Variants in NCAPG2 observed in about 807,000 individuals in gnomAD.
The protein encoded by NCAPG2 is non-SMC condensin II complex subunit G2, also known as condensin-2 complex subunit G2.
NCAPG2 carries 53 observed loss-of-function variants against 141.1 expected under a neutral mutation model. The ratio of observed to expected loss-of-function variants is 0.38; its 90% CI spans 0.30 to 0.47. NCAPG2 has a LOEUF of 0.47. Among genes scored for constraint, NCAPG2 ranks in the 20% least tolerant of loss-of-function variants. The pLI, the probability that NCAPG2 is intolerant of heterozygous loss-of-function variation, is 0.99. For missense variants in NCAPG2, 1,087 were observed against 1,389.0 expected (o/e 0.78, Z 3.46); for synonymous variants, 499 against 490.7 (o/e 1.02, Z -0.22).
rs201241436 is a variant in NCAPG2 at position 158,654,590 on chromosome 7, T to G, written c.2746+5A>C. Reference sequence around the variant, plus strand: ...TTTATTGCTCTAAAACAGCCCTGACTGTACCTGTTTGCATGATTCCAAGAC... The same window carrying G: ...TTTATTGCTCTAAAACAGCCCTGACGGTACCTGTTTGCATGATTCCAAGAC... On this transcript the variant is annotated splice_donor_5th_base_variant and intron_variant, in intron 22 of 27. Transcript: ENST00000356309. 1 of 1,613,618 alleles carries G rather than the reference T, an allele frequency of 6.2e-7. No individual in the cohort carries two copies. The highest frequency in any genetic ancestry group is 1.3e-5 in the African/African-American group (1 of 75,030).
Position 158,631,627 on chromosome 7 carries a change from C to CTT in NCAPG2, c.*37_*38dup, listed in dbSNP as rs1829897073. On this transcript the variant is annotated 3_prime_UTR_variant, in exon 28 of 28. Transcript: ENST00000356309. ...TACACAGGCATTTCAATTTGAATCA[C>CTT]TTTTCCCTATTTTTACATGTCTGGA... The CTT allele has an allele frequency of 2.7e-6, 4 of 1,508,834 alleles. No homozygotes were observed. The highest frequency in any genetic ancestry group is 3.7e-6 in the Non-Finnish European group (4 of 1,086,288). The allele number at this position is 1,508,834 out of a possible 1,614,324, so 93.5% of individuals were successfully genotyped here. A position where few individuals can be genotyped will look rare whatever the true frequency, so the allele number is the denominator to read the frequency against.
chr7:158,646,694 T>A, intron 24 of NCAPG2, 131 bp from the exon 25 acceptor site: 1 of 607,750 alleles, frequency 1.6e-6, no homozygotes. Context: ...TTTTATTAAC[T>A]GTTGAAATGT....
intron 22 of NCAPG2, among the ~76,000 whole-genome samples, chr7:158,653,963 C>A (rs911395623): frequency 3.9e-5 from 6 of 152,080 alleles, no homozygotes; most frequent in Non-Finnish European, 8.8e-5. Flanking sequence ...GAGCTAGGGG[C>A]TAGGGGCTAG....
chr7:158,667,792 T>A (rs867918168), intron 13 of NCAPG2, among the ~76,000 whole-genome samples: 1 of 45,282 alleles, frequency 2.2e-5, no homozygotes, highest in Non-Finnish European at 4.1e-5. Context: ...CCTTACCCAC[T>A]ACTGGGTCCC....
At chr7:158,637,577 T>TTTCCAGCTCTGGC (rs1830367684) in intron 27 of NCAPG2, among the ~76,000 whole-genome samples, 8 of 5,784 alleles carry the variant, frequency 1.4e-3, no homozygotes, top group East Asian at 0.012. Context: ...CAGCTCCGGC[T>TTTCCAGCTCTGGC]CCAGCAGCTC....
intron 17 of NCAPG2, 97 bp downstream of exon 17, chr7:158,658,241 A>C (rs1442935127): frequency 8.7e-7 from 1 of 1,149,140 alleles, no homozygotes; most frequent in African/African-American, 1.6e-5. Flanking sequence ...GTGAGCTGAA[A>C]GCTAAATGTT....
At chr7:158,682,248 G>A (rs1834493122) in intron 9 of NCAPG2, among the ~76,000 whole-genome samples, 1 of 151,764 alleles carries the variant, frequency 6.6e-6, no homozygotes, top group Non-Finnish European at 1.5e-5. Context: ...ATAGTTTAAT[G>A]CAATTCTACT....
At chr7:158,671,307 T>A (rs1474266720) in intron 13 of NCAPG2, among the ~76,000 whole-genome samples, 1 of 152,228 alleles carries the variant, frequency 6.6e-6, no homozygotes, top group Non-Finnish European at 1.5e-5. Flanking sequence ...CAGGGGTGCT[T>A]ACATTAATGT....
At chr7:158,655,306 A>G (rs767538091) in intron 20 of NCAPG2, 33 bp downstream of exon 20, 8 of 1,614,038 alleles carry the variant, frequency 5.0e-6, no homozygotes, top group Non-Finnish European at 6.8e-6. Context: ...AGCACTGTGT[A>G]TCATCCTAAT....
At position 158,652,537 on chromosome 7, in the gene NCAPG2, T is replaced by C. The variant is rs1831565369; in HGVS notation, c.2747-57A>G. 3.8e-6 allele frequency: 5 copies of C among 1,328,726 alleles called. No homozygotes were observed. In the South Asian group the frequency reaches 5.4e-5, roughly 14 times the overall value. 82.3% of individuals were successfully genotyped at this position (1,328,726 alleles called of 1,614,324 possible). On this transcript the variant is annotated intron_variant, in intron 22 of 27. Coordinates refer to ENST00000356309, the MANE Select transcript of NCAPG2 (RefSeq NM_017760.7). ...TAATCACACAAGTTTGTTGAAATCATTACACATTTCTCACTTAACACATGT... is the reference window on the plus strand; with the variant it reads ...TAATCACACAAGTTTGTTGAAATCACTACACATTTCTCACTTAACACATGT...
rs533441494 is a variant in NCAPG2 at position 158,704,439 on chromosome 7, T to TG, written c.-40+284dup. Reference sequence around the variant, plus strand: ...TGAGGACGGTGCCCATGCTCAGGGCTGGGGGGTCGCTCTCTGAGGGCAGTG... The same window carrying TG: ...TGAGGACGGTGCCCATGCTCAGGGCTGGGGGGGTCGCTCTCTGAGGGCAGTG... On this transcript the variant is annotated intron_variant, in intron 1 of 27. Transcript: ENST00000356309. 1.8e-4 allele frequency among the ~76,000 whole-genome samples: 27 copies of TG among 149,894 alleles called. 1 individual carries two copies. The East Asian group carries it at 5.0e-3, about 28-fold the overall frequency.
intron 12 of NCAPG2, among the ~76,000 whole-genome samples, chr7:158,671,868 C>T (rs1833706848): frequency 6.6e-6 from 1 of 152,152 alleles, no homozygotes; most frequent in African/African-American, 2.4e-5. Flanking sequence ...ATAGGTCCAA[C>T]CACTGCTATT....
At chr7:158,688,646 C>A (rs905363607) in intron 6 of NCAPG2, among the ~76,000 whole-genome samples, 2 of 152,208 alleles carry the variant, frequency 1.3e-5, no homozygotes, top group Admixed American at 1.3e-4. Context: ...ATACATATTA[C>A]CTCATCTGTT....
intron 19 of NCAPG2, among the ~76,000 whole-genome samples, chr7:158,655,728 C>T (rs1587126679): frequency 6.6e-6 from 1 of 152,294 alleles, no homozygotes; most frequent in African/African-American, 2.4e-5. Context: ...GACCAGGCCC[C>T]GTCCTCCCCA....
rs780493000 is a variant in NCAPG2, at chr7:158,694,523, C to G, written c.79-1026G>C. ...GACGGACAGACCATGCCATGCGCTT[C>G]CTGTCTTGACAGCGCCGAGGACCTA... On this transcript the variant is annotated intron_variant, in intron 2 of 27. Coordinates refer to ENST00000356309, the MANE Select transcript of NCAPG2 (RefSeq NM_017760.7). 2.6e-5 allele frequency among the ~76,000 whole-genome samples: 4 copies of G among 152,204 alleles called. No individual in the cohort carries two copies. In the South Asian group the frequency reaches 8.3e-4, roughly 31 times the overall value.
chr7:158,664,888 C>A, intron 13 of NCAPG2, 138 bp from the exon 14 acceptor site: 1 of 671,938 alleles, frequency 1.5e-6, no homozygotes, highest in Non-Finnish European at 2.5e-6. Flanking sequence ...AATGACTACA[C>A]CAAAATCTGT....
At chr7:158,635,505 ATATAT>A (rs1830124641) in intron 27 of NCAPG2, among the ~76,000 whole-genome samples, 1 of 152,168 alleles carries the variant, frequency 6.6e-6, no homozygotes, top group Non-Finnish European at 1.5e-5. Flanking sequence ...ACCTTAAGAA[ATATAT>A]TATTTATATT....
intron 26 of NCAPG2, 108 bp downstream of exon 26, chr7:158,645,411 G>T: frequency 1.1e-6 from 1 of 903,320 alleles, no homozygotes; most frequent in Non-Finnish European, 1.8e-6. Context: ...GGGGACACCT[G>T]AGCTGGCCAG....
intron 12 of NCAPG2, among the ~76,000 whole-genome samples, chr7:158,673,178 G>A (rs1002501723): frequency 6.6e-6 from 1 of 152,246 alleles, no homozygotes; most frequent in African/African-American, 2.4e-5. Flanking sequence ...AGAACAGCAC[G>A]CAAGTGAGTG....
Sources: allele counts gnomAD v4.1 joint callset (sites outside exome capture counted in the v4.1 genomes callset), GRCh38; gene constraint gnomAD v4.1.1; transcripts MANE v1.5; gene names NCBI Gene and HGNC (gene_info 2026-07-23, HGNC 2026-07-21).